The following SPOCK3 variants were observed in gnomAD, a reference collection of about 807,000 sequenced individuals.
SPOCK3 encodes testican-3.
In SPOCK3, 30 loss-of-function variants were observed where a neutral mutation model predicts 56.6. That is an observed-to-expected ratio of 0.53 (90% confidence interval 0.40 to 0.72). SPOCK3 has a LOEUF of 0.72. SPOCK3 is among the 30% of genes least tolerant of loss of function. The pLI, the probability that SPOCK3 is intolerant of heterozygous loss-of-function variation, is 0.00. For missense variants in SPOCK3, 527 were observed against 530.0 expected, an observed-to-expected ratio of 0.99 and a Z score of 0.06; for synonymous variants, 196 against 183.3, an observed-to-expected ratio of 1.07 and a Z score of -0.56.
At chr4:166,918,267 T>G (rs1318970551) in intron 4 of SPOCK3, 1 of 152,188 alleles carries the variant, frequency 6.6e-6, no homozygotes, top group Non-Finnish European at 1.5e-5. Flanking sequence ...AAATCTACAA[T>G]GAACACTATT....
At chr4:166,826,185 CA>C (rs1313706493) in intron 6 of SPOCK3, among the ~76,000 whole-genome samples, 1 of 151,770 alleles carries the variant, frequency 6.6e-6, no homozygotes, top group Non-Finnish European at 1.5e-5. Context: ...AAATAACTTG[CA>C]AAAAAAGATA....
intron 7 of SPOCK3, among the ~76,000 whole-genome samples, chr4:166,791,370 C>T (rs1741330296): frequency 6.6e-6 from 1 of 152,114 alleles, no homozygotes; most frequent in Middle Eastern, 3.2e-3. Context: ...TCAGGATAGG[C>T]GATGAATGTC....
intron 3 of SPOCK3, among the ~76,000 whole-genome samples, chr4:167,055,197 T>C (rs921973111): frequency 1.3e-5 from 2 of 152,176 alleles, no homozygotes; most frequent in Non-Finnish European, 2.9e-5. Context: ...TGATCTAATA[T>C]GGATGTCCAT....
intron 5 of SPOCK3, among the ~76,000 whole-genome samples, chr4:166,898,392 A>C (rs1735647206): frequency 6.6e-6 from 1 of 152,008 alleles, no homozygotes; most frequent in Non-Finnish European, 1.5e-5. Flanking sequence ...CCTATACTGA[A>C]GAACTTTGCG....
At chr4:167,145,390 A>T (rs1196956659) in intron 2 of SPOCK3, among the ~76,000 whole-genome samples, 1 of 152,116 alleles carries the variant, frequency 6.6e-6, no homozygotes, top group African/African-American at 2.4e-5. Flanking sequence ...AGTTATAAAC[A>T]TGGGAAGCAT....
At chr4:166,798,543 A>G (rs1225995941) in intron 6 of SPOCK3, among the ~76,000 whole-genome samples, 2 of 152,226 alleles carry the variant, frequency 1.3e-5, no homozygotes, top group African/African-American at 4.8e-5. Flanking sequence ...AAGCTGTTAG[A>G]GAATCTGCTT....
intron 6 of SPOCK3, among the ~76,000 whole-genome samples, chr4:166,831,644 T>C (rs1579351788): frequency 6.6e-6 from 1 of 151,822 alleles, no homozygotes; most frequent in East Asian, 1.9e-4. Context: ...ATAATGGTAA[T>C]ATGTGTCTTC....
chr4:167,120,076 C>T (rs1184776166), intron 2 of SPOCK3, among the ~76,000 whole-genome samples: 1 of 151,952 alleles, frequency 6.6e-6, no homozygotes. Flanking sequence ...AAACAATGTA[C>T]ACATACATAT....
chr4:167,085,868 G>A (rs949666918), intron 2 of SPOCK3, among the ~76,000 whole-genome samples: 2 of 152,104 alleles, frequency 1.3e-5, no homozygotes, highest in East Asian at 3.9e-4. Flanking sequence ...ATCTCATTAT[G>A]ATATAGGTAT....
chr4:166,956,439 A>G (rs1743485042), intron 4 of SPOCK3, among the ~76,000 whole-genome samples: 1 of 152,136 alleles, frequency 6.6e-6, no homozygotes, highest in African/African-American at 2.4e-5. Context: ...AGATCCAATA[A>G]CCAAACCAGC....
intron 3 of SPOCK3, among the ~76,000 whole-genome samples, chr4:167,018,325 C>T (rs1298490355): frequency 6.6e-6 from 1 of 152,034 alleles, no homozygotes; most frequent in Non-Finnish European, 1.5e-5. Context: ...AGTGTCCAGC[C>T]TGGTTTAATC....
At chr4:167,222,128 GA>G (rs1481391023) in intron 2 of SPOCK3, among the ~76,000 whole-genome samples, 1 of 152,020 alleles carries the variant, frequency 6.6e-6, no homozygotes, top group African/African-American at 2.4e-5. Flanking sequence ...AGTCTTTTAA[GA>G]AAAAGGAAAC....
intron 6 of SPOCK3, among the ~76,000 whole-genome samples, chr4:166,836,618 G>C (rs182035702): frequency 1.3e-5 from 2 of 152,190 alleles, no homozygotes; most frequent in African/African-American, 4.8e-5. Context: ...GGTAAAAATG[G>C]CCCCTATGGA....
chr4:166,938,305 T>A (rs2150010535), intron 4 of SPOCK3, among the ~76,000 whole-genome samples: 1 of 152,196 alleles, frequency 6.6e-6, no homozygotes, highest in Admixed American at 6.5e-5. Context: ...GAAATTGATG[T>A]AATTTTGCCA....
At chr4:166,851,452 A>G (rs1336168027) in intron 6 of SPOCK3, among the ~76,000 whole-genome samples, 3 of 152,252 alleles carry the variant, frequency 2.0e-5, no homozygotes, top group African/African-American at 7.2e-5. Flanking sequence ...CCAGCAACGG[A>G]ACAAAGCTGG....
intron 6 of SPOCK3, among the ~76,000 whole-genome samples, chr4:166,813,882 T>C (rs1280548911): frequency 6.6e-6 from 1 of 152,056 alleles, no homozygotes; most frequent in Non-Finnish European, 1.5e-5. Flanking sequence ...TTTGAGGCAC[T>C]AAGGAGGATA....
chr4:166,809,603 A>AT (rs1743551730), intron 6 of SPOCK3, among the ~76,000 whole-genome samples: 1 of 152,122 alleles, frequency 6.6e-6, no homozygotes, highest in Non-Finnish European at 1.5e-5. Flanking sequence ...TCTGGGTTCA[A>AT]TTTAGACAAA....
intron 2 of SPOCK3, among the ~76,000 whole-genome samples, chr4:167,124,036 C>T (rs918716121): frequency 2.6e-5 from 4 of 152,198 alleles, no homozygotes; most frequent in Admixed American, 6.5e-5. Context: ...TGAGCCACCA[C>T]GCCCTGCCCC....
chr4:166,887,911 T>C (rs2127004189), intron 6 of SPOCK3, among the ~76,000 whole-genome samples: 1 of 151,928 alleles, frequency 6.6e-6, no homozygotes, highest in East Asian at 1.9e-4. Context: ...GGCATCTCTC[T>C]TCTACCAACT....
Sources: gnomAD v4.1 joint callset for allele counts (sites outside exome capture counted in the v4.1 genomes callset) on GRCh38, gnomAD v4.1.1 for gene constraint, MANE v1.5 for transcripts, NCBI Gene and HGNC (gene_info 2026-07-23, HGNC 2026-07-21) for gene names.